Variants in HNRNPH3 observed in about 807,000 individuals in gnomAD.
The protein encoded by HNRNPH3 is heterogeneous nuclear ribonucleoprotein H3.
HNRNPH3 carries 7 observed loss-of-function variants against 47.0 expected under a neutral mutation model. The ratio of observed to expected loss-of-function variants is 0.15; its 90% CI spans 0.08 to 0.28. The LOEUF (loss-of-function observed/expected upper bound fraction) is 0.28. Among genes scored for constraint, HNRNPH3 ranks in the 10% least tolerant of loss-of-function variants. The probability of loss-of-function intolerance (pLI) is 1.00; values close to 1 mark genes in which losing one functional copy is unlikely to be tolerated. For missense variants in HNRNPH3, 279 were observed against 449.6 expected (o/e 0.62, Z 3.43); for synonymous variants, 120 against 143.2 (o/e 0.84, Z 1.16).
intron 3 of HNRNPH3, chr10:68,338,207 G>C: frequency 2.2e-6 from 1 of 464,676 alleles, no homozygotes; most frequent in Non-Finnish European, 3.8e-6. Context: ...TTCTCTGTAG[G>C]ATGTTGTTGA....
chr10:68,343,007 T>C lies in HNRNPH3; in HGVS notation c.*953T>C, dbSNP rs1210486165. The stretch of plus-strand genomic sequence containing the variant: ...TGTATCTGATCCCTGCTTGGAGTTT[T>C]AGTTTAAAGAATCTATATGTAGCAA... On this transcript the variant is annotated 3_prime_UTR_variant, in exon 10 of 10. Coordinates refer to ENST00000265866, the MANE Select transcript of HNRNPH3 (RefSeq NM_012207.3). The C allele has an allele frequency of 6.6e-6, 1 of 152,202 alleles. No individual in the cohort carries two copies. Among genetic ancestry groups the C allele is most frequent in the East Asian group, 1.9e-4 (1 of 5,198 alleles). 9.4% of individuals were successfully genotyped at this position (152,202 alleles called of 1,614,324 possible). A position where few individuals can be genotyped will look rare whatever the true frequency, so the allele number is the denominator to read the frequency against.
At chr10:68,341,505 ATC>A (rs2045937003) in intron 7 of HNRNPH3, 78 bp from the exon 8 acceptor site, 5 of 1,092,264 alleles carry the variant, frequency 4.6e-6, no homozygotes, top group Non-Finnish European at 5.4e-6. Context: ...TACTTAATTG[ATC>A]TTTTTTACAA....
intron 3 of HNRNPH3, 73 bp downstream of exon 3, chr10:68,338,069 G>A: frequency 1.7e-6 from 2 of 1,145,786 alleles, no homozygotes; most frequent in Non-Finnish European, 1.2e-6. Flanking sequence ...GCTTAAATGG[G>A]GGGGTAGCCA....
chr10:68,334,766 A>G (rs2045449562), intron 1 of HNRNPH3, among the ~76,000 whole-genome samples: 2 of 152,210 alleles, frequency 1.3e-5, no homozygotes, highest in Admixed American at 6.5e-5. Context: ...TGGTACTAGC[A>G]CCTAGAATTC....
chr10:68,340,809 CTT>C (rs548741674), intron 6 of HNRNPH3, among the ~76,000 whole-genome samples: 1 of 57,228 alleles, frequency 1.7e-5, no homozygotes. Context: ...TGTTTGTGTG[CTT>C]TTTTTTTTTG....
Position 68,335,262 on chromosome 10 carries a change from C to T in HNRNPH3, c.-23-1937C>T, listed in dbSNP as rs1307856284. Among the ~76,000 whole-genome samples the T allele has an allele frequency of 4.9e-5, 7 of 144,248 alleles. No homozygotes were observed. The South Asian group carries it at 8.7e-4, about 18-fold the overall frequency. The allele number at this position is 144,248 out of a possible 152,430, so 94.6% of individuals were successfully genotyped here. A position where few individuals can be genotyped will look rare whatever the true frequency, so the allele number is the denominator to read the frequency against. On this transcript the variant is annotated intron_variant, in intron 1 of 9. Coordinates refer to ENST00000265866, the MANE Select transcript of HNRNPH3 (RefSeq NM_012207.3). ...TTTTTTTTTTTTTTAAGCATTTGCT[C>T]CTTAAATGCAAATCGTACCACTAAG...
chr10:68,341,391 C>G (rs1474821304), intron 7 of HNRNPH3, 82 bp downstream of exon 7: 3 of 1,428,204 alleles, frequency 2.1e-6, no homozygotes, highest in Non-Finnish European at 9.6e-7. Context: ...GTAGGTAACG[C>G]TTGGCAGTTG....
chr10:68,340,554 G>C (rs1054519518), intron 6 of HNRNPH3, among the ~76,000 whole-genome samples: 1 of 152,182 alleles, frequency 6.6e-6, no homozygotes, highest in African/African-American at 2.4e-5. Context: ...GGTTACATTA[G>C]AGACCCAATG....
intron 1 of HNRNPH3, among the ~76,000 whole-genome samples, chr10:68,333,324 C>T (rs2045322857): frequency 1.3e-5 from 2 of 151,712 alleles, no homozygotes; most frequent in South Asian, 4.2e-4. Context: ...CGTAGTTTGG[C>T]GTATATATGT....
At position 68,337,748 on chromosome 10, in the gene HNRNPH3, T is replaced by TTGTTC; in HGVS notation, c.113-106_113-105insCTGTT. 1 of 991,444 alleles carries TTGTTC rather than the reference T, an allele frequency of 1.0e-6. No homozygotes were observed. Among genetic ancestry groups the TTGTTC allele is most frequent in the Non-Finnish European group, 1.5e-6 (1 of 679,536 alleles). 61.4% of individuals were successfully genotyped at this position (991,444 alleles called of 1,614,324 possible). ...TGGGGTGATGGGAAACTAAGCTTTT[T>TTGTTC]TGTTTTGTTTTGTTTTGTTTAGACT... is the stretch of plus-strand genomic sequence containing the variant. On this transcript the variant is annotated intron_variant, in intron 2 of 9. Transcript: ENST00000265866. The surrounding 1 kb of genome is among the most constrained non-coding windows in gnomAD (Gnocchi z 4.5).
intron 1 of HNRNPH3, among the ~76,000 whole-genome samples, chr10:68,333,228 T>C (rs2045309581): frequency 7.1e-6 from 1 of 141,628 alleles, no homozygotes; most frequent in East Asian, 2.1e-4. Flanking sequence ...TGGGCATGTT[T>C]CAAGTAGGTC....
In HNRNPH3 at chr10:68,337,122, G is replaced by GA. The variant is rs1589704820; in HGVS notation, c.-23-76dup. ...TTACATTTCCTCTTGTGGCACCTCT[G>GA]AGAGGTGTTTCTTCATTACCTCTTG... On this transcript the variant is annotated intron_variant, in intron 1 of 9. Coordinates refer to ENST00000265866, the MANE Select transcript of HNRNPH3 (RefSeq NM_012207.3). This position sits in a 1 kb window ranked among gnomAD's most constrained non-coding sequence, Gnocchi z 4.5. 11 of 661,658 alleles carry GA rather than the reference G, an allele frequency of 1.7e-5. No individual in the cohort carries two copies. In the East Asian group the frequency reaches 3.2e-4, roughly 19 times the overall value. The allele number at this position is 661,658 out of a possible 1,614,324, so 41.0% of individuals were successfully genotyped here.
rs2046008324 is a variant in HNRNPH3, at chr10:68,342,174, AAT to A, written c.*123_*124del. Reference sequence around the variant, plus strand: ...AATGACTGAAGGAATGTGTTTTCAAAATATTATTTGGTAAAGCAACAGATTGT... The same window carrying A: ...AATGACTGAAGGAATGTGTTTTCAAAATTATTTGGTAAAGCAACAGATTGT... On this transcript the variant is annotated 3_prime_UTR_variant, in exon 10 of 10. Transcript: ENST00000265866. The A allele has an allele frequency of 3.0e-6, 2 of 659,552 alleles. No homozygotes were observed. Among genetic ancestry groups the A allele is most frequent in the Non-Finnish European group, 2.5e-6 (1 of 408,028 alleles). 40.9% of individuals were successfully genotyped at this position (659,552 alleles called of 1,614,324 possible).
Position 68,343,093 on chromosome 10 carries a change from A to G in HNRNPH3, c.*1039A>G, listed in dbSNP as rs2046062027. 6.6e-6 allele frequency: 1 copy of G among 152,170 alleles called. No homozygotes were observed. Among genetic ancestry groups the G allele is most frequent in the Non-Finnish European group, 1.5e-5 (1 of 68,020 alleles). The allele number at this position is 152,170 out of a possible 1,614,324, so 9.4% of individuals were successfully genotyped here. On this transcript the variant is annotated 3_prime_UTR_variant, in exon 10 of 10. Coordinates refer to ENST00000265866, the MANE Select transcript of HNRNPH3 (RefSeq NM_012207.3). ...AATATGGCTTTTTTCCAAATTGGCT[A>G]ATGGATCAAAATGAAACCTGTTGAT...
chr10:68,333,239 G>T (rs534380593), intron 1 of HNRNPH3, among the ~76,000 whole-genome samples: 23 of 141,682 alleles, frequency 1.6e-4, no homozygotes, highest in Non-Finnish European at 2.7e-4. Context: ...CAAGTAGGTC[G>T]TCTGGGCCCA....
chr10:68,341,107 C>G (rs936449026), intron 6 of HNRNPH3, 67 bp from the exon 7 acceptor site: 3 of 1,143,790 alleles, frequency 2.6e-6, no homozygotes, highest in Non-Finnish European at 3.7e-6. Context: ...GAGGAAAAAT[C>G]AAGGTATGTG....
intron 1 of HNRNPH3, among the ~76,000 whole-genome samples, chr10:68,334,575 C>G (rs906214830): frequency 6.6e-6 from 1 of 152,146 alleles, no homozygotes; most frequent in Non-Finnish European, 1.5e-5. Flanking sequence ...TGGTCATTCC[C>G]ATTGCTGGCA....
Position 68,342,898 on chromosome 10 carries a change from A to ATAAC in HNRNPH3, c.*846_*849dup, listed in dbSNP as rs1252180781. 2 of 152,376 alleles carry ATAAC rather than the reference A, an allele frequency of 1.3e-5. No individual in the cohort carries two copies. The highest frequency in any genetic ancestry group is 4.8e-5 in the African/African-American group (2 of 41,574). The allele number at this position is 152,376 out of a possible 1,614,324, so 9.4% of individuals were successfully genotyped here. On this transcript the variant is annotated 3_prime_UTR_variant, in exon 10 of 10. Transcript: ENST00000265866. ...CAGTTTTCTGCCCAATAGAGTTTAA[A>ATAAC]TAACTGTATAAATGATGACTTTAAA...
Position 68,341,506 on chromosome 10 carries a change from T to A in HNRNPH3, c.776-79T>A. On this transcript the variant is annotated intron_variant, in intron 7 of 9. Transcript: ENST00000265866. The stretch of plus-strand genomic sequence containing the variant: ...ACTTTGTTTAATATTACTTAATTGA[T>A]CTTTTTTACAAAGCTTGTATTGATG... 3 of 1,094,844 alleles carry A rather than the reference T, an allele frequency of 2.7e-6. No homozygotes were observed. In the East Asian group the frequency reaches 7.3e-5, roughly 26 times the overall value. 67.8% of individuals were successfully genotyped at this position (1,094,844 alleles called of 1,614,324 possible). A position where few individuals can be genotyped will look rare whatever the true frequency, so the allele number is the denominator to read the frequency against.
Sources: allele counts gnomAD v4.1 joint callset (sites outside exome capture counted in the v4.1 genomes callset), GRCh38; gene constraint gnomAD v4.1.1; non-coding constraint Gnocchi (gnomAD v3.1); transcripts MANE v1.5; gene names NCBI Gene and HGNC (gene_info 2026-07-23, HGNC 2026-07-21).